The following CLEC4D variants were observed in gnomAD, a reference collection of about 807,000 sequenced individuals.
CLEC4D encodes the protein C-type lectin domain family 4 member D.
A neutral mutation model predicts 21.1 loss-of-function variants in CLEC4D; 21 were observed. The observed-to-expected ratio is 1.00, with a 90% CI of 0.71 to 1.43. The LOEUF (loss-of-function observed/expected upper bound fraction) is 1.43. CLEC4D is among the 40% of genes most tolerant of loss of function. The pLI is 0.00. For missense variants in CLEC4D, 289 were observed against 260.7 expected, an observed-to-expected ratio of 1.11 and a Z score of -0.75; for synonymous variants, 85 against 83.1, an observed-to-expected ratio of 1.02 and a Z score of -0.12.
the CLEC4D span, among the ~76,000 whole-genome samples, chr12:8,528,408 G>A: frequency 3.3e-5 from 5 of 152,048 alleles, no homozygotes; most frequent in Non-Finnish European, 5.9e-5. Flanking sequence ...GGACTTCTCA[G>A]CCTCCATCAC....
At chr12:8,530,034 C>A in the CLEC4D span, among the ~76,000 whole-genome samples, 1 of 152,074 alleles carries the variant, frequency 6.6e-6, no homozygotes, top group Non-Finnish European at 1.5e-5. Flanking sequence ...TTTTTTTAAA[C>A]AATGTGCATA....
At position 8,520,294 on chromosome 12, in the gene CLEC4D, A is replaced by G. The variant is rs899457266; in HGVS notation, c.453A>G (p.Lys151=). Residue 151 remains lysine (K), a synonymous_variant, in exon 5 of 6, where the codon AAA becomes AAG. Transcript: ENST00000299665. Reference sequence around the variant, plus strand: ...TTGGACTTAGAGATGAGAATGCCAAAGGTCAGTGGCGTTGGGTGGACCAGA... The same window carrying G: ...TTGGACTTAGAGATGAGAATGCCAAGGGTCAGTGGCGTTGGGTGGACCAGA... ...YFLGLRDENA[K]GQWRWVDQTP... is the part of the protein sequence containing the mutation. 11 of 1,613,932 alleles carry G rather than the reference A, an allele frequency of 6.8e-6. No individual in the cohort carries two copies. Among genetic ancestry groups the G allele is most frequent in the African/African-American group, 1.3e-5 (1 of 74,928 alleles).
chr12:8,516,015 T>C (rs889874900), intron 2 of CLEC4D, among the ~76,000 whole-genome samples: 3 of 152,114 alleles, frequency 2.0e-5, no homozygotes, highest in Admixed American at 6.5e-5. Context: ...CTCAGACATA[T>C]GGGAAAAGGA....
the CLEC4D span, among the ~76,000 whole-genome samples, chr12:8,530,783 A>G: frequency 1.3e-5 from 2 of 152,224 alleles, no homozygotes; most frequent in Non-Finnish European, 2.9e-5. Context: ...TAGGAAAGTT[A>G]AACAGTGTTT....
chr12:8,530,534 A>G, the CLEC4D span, among the ~76,000 whole-genome samples: 3 of 151,856 alleles, frequency 2.0e-5, no homozygotes, highest in Non-Finnish European at 4.4e-5. Flanking sequence ...CATATCTAGA[A>G]TATTATCATT....
intron 2 of CLEC4D, among the ~76,000 whole-genome samples, chr12:8,517,862 T>C (rs372626803): frequency 0.014 from 2,059 of 151,932 alleles, 48 homozygotes; most frequent in African/African-American, 0.046. Flanking sequence ...AGGAGAATGA[T>C]GTGAACCCGG....
the CLEC4D span, among the ~76,000 whole-genome samples, chr12:8,529,400 A>G: frequency 1.3e-5 from 2 of 152,210 alleles, no homozygotes; most frequent in Non-Finnish European, 1.5e-5. Flanking sequence ...GGATTACTTG[A>G]GGCCAGCAGT....
the CLEC4D span, among the ~76,000 whole-genome samples, chr12:8,529,957 T>C: frequency 1.3e-5 from 2 of 152,208 alleles, no homozygotes; most frequent in African/African-American, 4.8e-5. Flanking sequence ...CGATTGCCAC[T>C]TAGGTGTGGG....
At chr12:8,525,323 T>C (rs61706479), downstream of CLEC4D, among the ~76,000 whole-genome samples, 36,641 of 152,066 alleles carry the variant, frequency 0.24, 5,031 homozygotes, top group African/African-American at 0.38. Flanking sequence ...ACTATTATTA[T>C]GTGGGAGTCT....
chr12:8,520,381 G>A, intron 5 of CLEC4D, 40 bp downstream of exon 5: 1 of 1,585,070 alleles, frequency 6.3e-7, no homozygotes, highest in Non-Finnish European at 8.6e-7. Flanking sequence ...TATAAGCAAA[G>A]GTTAGAAGAT....
Position 8,520,334 on chromosome 12 carries a change from C to A in CLEC4D, c.493C>A (p.Arg165Ser). ...RWVDQTPFNP[R>S]RVFWHKNEPD... ...GGTGGACCAGACGCCATTTAACCCA[C>A]GCAGAGTGTAAGTATATTGAGTGGG... Residue 165 changes from arginine to serine, a missense_variant, in exon 5 of 6, where the codon CGC (arginine) becomes AGC (serine). By Grantham distance (110) the Arg-to-Ser change is moderately radical. Coordinates refer to ENST00000299665, the MANE Select transcript of CLEC4D (RefSeq NM_080387.5). The A allele has an allele frequency of 2.5e-6, 4 of 1,613,668 alleles. No homozygotes were observed. The highest frequency in any genetic ancestry group is 2.2e-5 in the South Asian group (2 of 91,054).
chr12:8,517,173 G>T (rs1565491668), intron 2 of CLEC4D, among the ~76,000 whole-genome samples: 3 of 152,158 alleles, frequency 2.0e-5, no homozygotes, highest in Admixed American at 2.0e-4. Flanking sequence ...AGATGTGAAG[G>T]CTATCTGGGG....
At chr12:8,525,085 C>A (rs913347368), downstream of CLEC4D, among the ~76,000 whole-genome samples, 3 of 152,110 alleles carry the variant, frequency 2.0e-5, no homozygotes, top group East Asian at 1.9e-4. Flanking sequence ...GATTTCAGTT[C>A]TTTCGCATTT....
chr12:8,529,506 T>C, the CLEC4D span, among the ~76,000 whole-genome samples: 25 of 152,232 alleles, frequency 1.6e-4, no homozygotes, highest in Admixed American at 8.5e-4. Flanking sequence ...TCCTAACTAC[T>C]TGGGAAGCCG....
At position 8,513,508 on chromosome 12, in the gene CLEC4D, A is replaced by G. The variant is rs1450667935; in HGVS notation, c.-225A>G. 7 of 316,106 alleles carry G rather than the reference A, an allele frequency of 2.2e-5. No homozygotes were observed. The highest frequency in any genetic ancestry group is 2.8e-5 in the Non-Finnish European group (5 of 181,542). The allele number at this position is 316,106 out of a possible 1,614,324, so 19.6% of individuals were successfully genotyped here. A position where few individuals can be genotyped will look rare whatever the true frequency, so the allele number is the denominator to read the frequency against. The stretch of plus-strand genomic sequence containing the variant: ...TTCCTTTTTTTTTTTTTTTCGCCTC[A>G]TCTCCCGGAATGTATCAAAGGAAAC... On this transcript the variant is annotated 5_prime_UTR_variant, in exon 1 of 6. Transcript: ENST00000299665.
chr12:8,520,253 C>A lies in CLEC4D; in HGVS notation c.412C>A (p.Arg138=). The A allele has an allele frequency of 6.2e-7, 1 of 1,613,900 alleles. No homozygotes were observed. Among genetic ancestry groups the A allele is most frequent in the Non-Finnish European group, 8.5e-7 (1 of 1,179,832 alleles). Residue 138 remains arginine, a synonymous_variant, in exon 5 of 6, where the codon CGG becomes AGG. Transcript: ENST00000299665. The stretch of plus-strand genomic sequence containing the variant: ...CTTTATTATTCAGTTTCTGGATAGA[C>A]GGCTTTCCTATTTCCTTGGACTTAG... ...QNFIIQFLDR[R]LSYFLGLRDE...
At position 8,518,207 on chromosome 12, in the gene CLEC4D, G is replaced by C; in HGVS notation, c.165G>C (p.Val55=). 1 of 1,443,168 alleles carries C rather than the reference G, an allele frequency of 6.9e-7. No individual in the cohort carries two copies. Among genetic ancestry groups the C allele is most frequent in the East Asian group, 2.3e-5 (1 of 44,078 alleles). 89.4% of individuals were successfully genotyped at this position (1,443,168 alleles called of 1,614,324 possible). Reference sequence around the variant, plus strand: ...CACGCTGTAAGAGAGGCACAGGAGTGCACAAGTTAGAGCACCATGCAAAGC... The same window carrying C: ...CACGCTGTAAGAGAGGCACAGGAGTCCACAAGTTAGAGCACCATGCAAAGC... ...NFSRCKRGTG[V]HKLEHHAKLK... Residue 55 remains valine (V), a synonymous_variant, in exon 3 of 6, where the codon GTG becomes GTC. Transcript: ENST00000299665.
the CLEC4D span, among the ~76,000 whole-genome samples, chr12:8,531,118 C>T: frequency 6.6e-6 from 1 of 152,190 alleles, no homozygotes; most frequent in Non-Finnish European, 1.5e-5. Flanking sequence ...GGCTTTGAGA[C>T]TTTGGGACAG....
chr12:8,528,376 C>A, the CLEC4D span, among the ~76,000 whole-genome samples: 1 of 152,174 alleles, frequency 6.6e-6, no homozygotes, highest in African/African-American at 2.4e-5. Context: ...AAGGCCCTCA[C>A]CAGACACAGC....
Sources: gnomAD v4.1 joint callset for allele counts (sites outside exome capture counted in the v4.1 genomes callset) on GRCh38, gnomAD v4.1.1 for gene constraint, MANE v1.5 for transcripts, NCBI Gene and HGNC (gene_info 2026-07-23, HGNC 2026-07-21) for gene names.